UBE2R2: variants seen among roughly 807,000 people sequenced by gnomAD.
UBE2R2 encodes the protein ubiquitin-conjugating enzyme E2 R2.
UBE2R2 carries 1 observed loss-of-function variant against 27.8 expected under a neutral mutation model. The observed-to-expected ratio is 0.04, with a 90% CI of 0.01 to 0.17. The LOEUF is 0.17. UBE2R2 is among the 10% of genes least tolerant of loss of function. UBE2R2 has a pLI of 1.00. For missense variants in UBE2R2, 100 were observed against 291.0 expected, an observed-to-expected ratio of 0.34 and a Z score of 4.78; for synonymous variants, 106 against 113.3, an observed-to-expected ratio of 0.94 and a Z score of 0.41.
At chr9:33,816,785 A>T (rs1825773177), upstream of UBE2R2, among the ~76,000 whole-genome samples, 1 of 152,200 alleles carries the variant, frequency 6.6e-6, no homozygotes, top group African/African-American at 2.4e-5. Flanking sequence ...CCCTGGATCC[A>T]CAGTGGGGAG....
At chr9:33,911,850 A>G (rs1587485324) in intron 3 of UBE2R2, 114 bp from the exon 4 acceptor site, 5 of 1,043,906 alleles carry the variant, frequency 4.8e-6, no homozygotes, top group Non-Finnish European at 2.5e-6. Flanking sequence ...TTGTATCAGA[A>G]AAATTTTAAG....
intron 1 of UBE2R2, among the ~76,000 whole-genome samples, chr9:33,856,881 C>T: frequency 7.1e-6 from 1 of 140,988 alleles, no homozygotes; most frequent in African/African-American, 2.7e-5. Flanking sequence ...TTCCTTCCTT[C>T]CTTTCACTTT....
chr9:33,820,009 C>T lies in UBE2R2; in HGVS notation c.177+2075C>T, dbSNP rs569891993. ...ATGTTAGTGGAATAAAGTTTGATTT[C>T]CAAAAAGTGTCATTGTTTGGTACAA... On this transcript the variant is annotated intron_variant, in intron 1 of 4. Coordinates refer to ENST00000263228, the MANE Select transcript of UBE2R2 (RefSeq NM_017811.4). Among the ~76,000 whole-genome samples the T allele has an allele frequency of 2.6e-5, 4 of 152,206 alleles. No individual in the cohort carries two copies. The South Asian group carries it at 8.3e-4, about 32-fold the overall frequency.
At chr9:33,862,854 T>C (rs1172526207) in intron 1 of UBE2R2, among the ~76,000 whole-genome samples, 3 of 150,202 alleles carry the variant, frequency 2.0e-5, no homozygotes, top group Non-Finnish European at 3.0e-5. Flanking sequence ...AACTTTTATT[T>C]TATAAAATTC....
At chr9:33,842,844 C>G (rs1217683321) in intron 1 of UBE2R2, among the ~76,000 whole-genome samples, 1 of 151,932 alleles carries the variant, frequency 6.6e-6, no homozygotes, top group African/African-American at 2.4e-5. Context: ...GGCTGAAGGT[C>G]TGAAAAACAC....
Position 33,866,242 on chromosome 9 carries a change from C to CT in UBE2R2, c.178-20625dup, listed in dbSNP as rs777392325. ...TCATACTTAACTGAAATGTAATTAA[C>CT]TTTTTTTTTTTTTTGAGACAGAGTC... is the stretch of plus-strand genomic sequence containing the variant. On this transcript the variant is annotated intron_variant, in intron 1 of 4. Coordinates refer to ENST00000263228, the MANE Select transcript of UBE2R2 (RefSeq NM_017811.4). 3.4e-3 allele frequency among the ~76,000 whole-genome samples: 491 copies of CT among 144,690 alleles called. 1 individual carries two copies. Among genetic ancestry groups the CT allele is most frequent in the African/African-American group, 5.4e-3 (216 of 39,826 alleles). 94.9% of individuals were successfully genotyped at this position (144,690 alleles called of 152,430 possible).
intron 3 of UBE2R2, among the ~76,000 whole-genome samples, chr9:33,911,130 C>T (rs540424848): frequency 5.9e-5 from 9 of 151,380 alleles, no homozygotes; most frequent in South Asian, 2.1e-4. Context: ...AAAAAACGGC[C>T]GGGCGTAGTG....
intron 1 of UBE2R2, among the ~76,000 whole-genome samples, chr9:33,869,036 G>A (rs756961290): frequency 5.3e-5 from 8 of 152,168 alleles, no homozygotes; most frequent in Non-Finnish European, 1.2e-4. Flanking sequence ...GGGAGACTGG[G>A]GTGGGTGGAT....
rs1587417380 is a variant in UBE2R2 at position 33,817,391 on chromosome 9, A to C, written c.-367A>C. On this transcript the variant is annotated 5_prime_UTR_variant, in exon 1 of 5. Transcript: ENST00000263228. Reference sequence around the variant, plus strand: ...GCCGGCCCGGCCCCCTCCCTTCACCATCGCCGGCCCTCCGCCGCCTTCCTC... The same window carrying C: ...GCCGGCCCGGCCCCCTCCCTTCACCCTCGCCGGCCCTCCGCCGCCTTCCTC... Among the ~76,000 whole-genome samples the C allele has an allele frequency of 7.3e-6, 1 of 136,738 alleles. No individual in the cohort carries two copies. The allele number at this position is 136,738 out of a possible 152,430, so 89.7% of individuals were successfully genotyped here.
chr9:33,885,822 A>G (rs1371099839), intron 1 of UBE2R2, among the ~76,000 whole-genome samples: 1 of 152,176 alleles, frequency 6.6e-6, no homozygotes, highest in East Asian at 1.9e-4. Context: ...GCTTTTGTGG[A>G]AGAGAGAACT....
chr9:33,878,854 T>C (rs1208609594), intron 1 of UBE2R2, among the ~76,000 whole-genome samples: 1 of 152,010 alleles, frequency 6.6e-6, no homozygotes, highest in Admixed American at 6.6e-5. Context: ...AGATTGTGAG[T>C]TATTTACACA....
chr9:33,886,649 G>A (rs887731126), intron 1 of UBE2R2, among the ~76,000 whole-genome samples: 4 of 117,826 alleles, frequency 3.4e-5, no homozygotes, highest in Admixed American at 1.1e-4. Flanking sequence ...GTGAGACTCC[G>A]TCTTAAAAAA....
intron 4 of UBE2R2, among the ~76,000 whole-genome samples, chr9:33,914,790 C>T (rs1446623465): frequency 6.6e-6 from 1 of 151,094 alleles, no homozygotes; most frequent in Non-Finnish European, 1.5e-5. Flanking sequence ...GATCGCGCCA[C>T]TGCACTCCAG....
At chr9:33,904,809 T>C (rs1322357336) in intron 3 of UBE2R2, among the ~76,000 whole-genome samples, 1 of 152,068 alleles carries the variant, frequency 6.6e-6, no homozygotes, top group East Asian at 1.9e-4. Flanking sequence ...ATTAAATTGG[T>C]GGGGCTGGAG....
At chr9:33,857,665 T>TATTTAGA (rs1821139856) in intron 1 of UBE2R2, among the ~76,000 whole-genome samples, 4 of 152,240 alleles carry the variant, frequency 2.6e-5, no homozygotes, top group Non-Finnish European at 4.4e-5. Flanking sequence ...TAAACTATAC[T>TATTTAGA]TGAAAGTCAT....
At chr9:33,818,008 T>G in intron 1 of UBE2R2, 74 bp downstream of exon 1, 2 of 1,547,512 alleles carry the variant, frequency 1.3e-6, no homozygotes, top group Non-Finnish European at 8.7e-7. Context: ...CTGCAGTTCC[T>G]GGGACCAGGA....
chr9:33,835,121 G>C (rs1820587050), intron 1 of UBE2R2, among the ~76,000 whole-genome samples: 1 of 148,498 alleles, frequency 6.7e-6, no homozygotes, highest in Admixed American at 6.7e-5. Context: ...CTTTTCATGA[G>C]AGAACATGCA....
intron 1 of UBE2R2, among the ~76,000 whole-genome samples, chr9:33,853,465 A>G (rs1821017971): frequency 6.6e-6 from 1 of 151,828 alleles, no homozygotes; most frequent in Non-Finnish European, 1.5e-5. Context: ...TTGTAGTTTT[A>G]GTAGAGACGG....
chr9:33,826,689 ACT>A (rs1430436982), intron 1 of UBE2R2, among the ~76,000 whole-genome samples: 1 of 151,636 alleles, frequency 6.6e-6, no homozygotes, highest in African/African-American at 2.4e-5. Flanking sequence ...ACAGAGTGAG[ACT>A]CTGTCCCCTG....
Sources: allele counts gnomAD v4.1 joint callset (sites outside exome capture counted in the v4.1 genomes callset), GRCh38; gene constraint gnomAD v4.1.1; transcripts MANE v1.5; gene names NCBI Gene and HGNC (gene_info 2026-07-23, HGNC 2026-07-21).